The following MCF2L variants were observed in gnomAD, a reference collection of about 807,000 sequenced individuals.
MCF2L encodes the protein MCF.2 cell line derived transforming sequence like.
MCF2L carries 97 observed loss-of-function variants against 153.4 expected under a neutral mutation model. That is an observed-to-expected ratio of 0.63 (90% CI 0.54 to 0.75). The LOEUF (loss-of-function observed/expected upper bound fraction) is 0.75. MCF2L is among the 30% of genes least tolerant of loss of function. The pLI, the probability that MCF2L is intolerant of heterozygous loss-of-function variation, is 0.00. For synonymous variants in MCF2L, 659 were observed against 632.2 expected, an observed-to-expected ratio of 1.04 and a Z score of -0.64; for missense variants, 1,347 against 1,495.2, an observed-to-expected ratio of 0.90 and a Z score of 1.64.
chr13:113,065,149 G>C, intron 7 of MCF2L, 64 bp downstream of exon 7: 2 of 1,587,694 alleles, frequency 1.3e-6, no homozygotes, highest in East Asian at 2.3e-5. Context: ...GCTGCGCGGG[G>C]CTCCGGTCGG....
intron 26 of MCF2L, chr13:113,090,226 C>A: frequency 6.9e-7 from 1 of 1,441,340 alleles, no homozygotes; most frequent in Non-Finnish European, 9.3e-7. Flanking sequence ...TCGTGTGTGA[C>A]CATTCGTGCC....
intron 4 of MCF2L, 86 bp from the exon 5 acceptor site, chr13:113,060,507 G>T: frequency 6.5e-7 from 1 of 1,538,984 alleles, no homozygotes; most frequent in Non-Finnish European, 8.8e-7. Flanking sequence ...CGCGCCCCCG[G>T]TCAGCCCAGC....
At chr13:113,094,302 A>T (rs561827765) in intron 26 of MCF2L, 1 of 348,736 alleles carries the variant, frequency 2.9e-6, no homozygotes, top group South Asian at 8.5e-5. Flanking sequence ...TTGGAAGCAG[A>T]TGGTCTCAAA....
intron 2 of MCF2L, among the ~76,000 whole-genome samples, chr13:113,023,289 T>C (rs900530263): frequency 5.3e-5 from 8 of 152,166 alleles, no homozygotes; most frequent in African/African-American, 1.9e-4. Flanking sequence ...TATCAGATAA[T>C]GAGTCATGTC....
intron 1 of MCF2L, among the ~76,000 whole-genome samples, chr13:112,899,450 C>G (rs1408859770): frequency 2.0e-5 from 3 of 152,200 alleles, no homozygotes; most frequent in Non-Finnish European, 2.9e-5. Flanking sequence ...CTGGCTTCAT[C>G]ATCCATCCTC....
At chr13:112,898,445 G>A (rs886731239) in intron 1 of MCF2L, among the ~76,000 whole-genome samples, 2 of 152,178 alleles carry the variant, frequency 1.3e-5, no homozygotes, top group Non-Finnish European at 2.9e-5. Context: ...CGTGAACCGA[G>A]CTCGGCAGGT....
In MCF2L at chr13:112,969,779, A is replaced by T. The variant is rs1420571602; in HGVS notation, c.79+321A>T. ...CCGCAGCCCTCGCAATGGAGAATGC[A>T]TTGCGAATGGAGAATGATCTGAGCC... On this transcript the variant is annotated intron_variant, in intron 1 of 29. Transcript: ENST00000535094. The surrounding 1 kb of genome is among the most constrained non-coding windows in gnomAD (Gnocchi z 4.8). Among the ~76,000 whole-genome samples the T allele has an allele frequency of 6.6e-6, 1 of 152,132 alleles. No homozygotes were observed. The highest frequency in any genetic ancestry group is 2.4e-5 in the African/African-American group (1 of 41,416).
At chr13:112,959,106 C>G (rs534561345) in intron 2 of MCF2L, among the ~76,000 whole-genome samples, 1 of 152,336 alleles carries the variant, frequency 6.6e-6, no homozygotes, top group East Asian at 1.9e-4. Flanking sequence ...AGGTTTTTAT[C>G]TGAAAAGTTC....
chr13:113,072,342 A>C (rs957752218), intron 9 of MCF2L, among the ~76,000 whole-genome samples: 1 of 151,922 alleles, frequency 6.6e-6, no homozygotes, highest in Non-Finnish European at 1.5e-5. Context: ...CACCCACAAC[A>C]CCCTGCCCCA....
chr13:112,952,083 C>T (rs1425861153), intron 2 of MCF2L, among the ~76,000 whole-genome samples: 3 of 152,190 alleles, frequency 2.0e-5, no homozygotes, highest in African/African-American at 7.2e-5. Flanking sequence ...AAATAGATGT[C>T]AAAGTAGGTT....
intron 26 of MCF2L, chr13:113,093,870 G>A (rs1161510584): frequency 6.6e-6 from 1 of 152,440 alleles, no homozygotes; most frequent in African/African-American, 2.4e-5. Flanking sequence ...CACTGGGTTG[G>A]GGAGGGGGGC....
intron 2 of MCF2L, among the ~76,000 whole-genome samples, chr13:112,925,458 G>A (rs955185335): frequency 6.6e-6 from 1 of 152,164 alleles, no homozygotes; most frequent in African/African-American, 2.4e-5. Flanking sequence ...GGAGCCCCAC[G>A]CTGGACACCC....
Position 113,081,453 on chromosome 13 carries a change from A to G in MCF2L, c.1875+174A>G, listed in dbSNP as rs1241722058. On this transcript the variant is annotated intron_variant, in intron 16 of 29. Coordinates refer to ENST00000535094, the MANE Select transcript of MCF2L (RefSeq NM_001112732.3). ...ACGGGGAGCCCCTGGGGGCCTATCA[A>G]CAAGACACAGACCAGGCAGCTCAGG... 3.3e-5 allele frequency among the ~76,000 whole-genome samples: 5 copies of G among 152,258 alleles called. 1 individual carries two copies. Among genetic ancestry groups the G allele is most frequent in the African/African-American group, 1.2e-4 (5 of 41,474 alleles).
chr13:112,952,309 C>T (rs2081702900), intron 2 of MCF2L, among the ~76,000 whole-genome samples: 1 of 152,192 alleles, frequency 6.6e-6, no homozygotes, highest in Non-Finnish European at 1.5e-5. Context: ...GCTCAGAGAC[C>T]TTGCAGCCCC....
upstream of MCF2L, chr13:112,968,831 G>C: frequency 7.9e-7 from 1 of 1,262,876 alleles, no homozygotes; most frequent in Non-Finnish European, 1.0e-6. Context: ...GAACCGGGGG[G>C]AAGGGCGGGG....
chr13:113,077,604 G>C (rs1484693601), intron 13 of MCF2L, among the ~76,000 whole-genome samples: 2 of 152,162 alleles, frequency 1.3e-5, no homozygotes, highest in African/African-American at 4.8e-5. Context: ...TCCTTTCCCG[G>C]TGCTATTGCC....
chr13:112,910,784 A>G (rs1054382407), intron 2 of MCF2L, among the ~76,000 whole-genome samples: 1 of 152,106 alleles, frequency 6.6e-6, no homozygotes, highest in Admixed American at 6.5e-5. Context: ...GCTAGTGGAG[A>G]GCTCTTCTCG....
chr13:112,988,018 A>G (rs1262256379), intron 1 of MCF2L, among the ~76,000 whole-genome samples: 1 of 152,234 alleles, frequency 6.6e-6, no homozygotes, highest in East Asian at 1.9e-4. Flanking sequence ...CTCTGAATAA[A>G]CAGTGTGTTT....
At chr13:112,981,892 G>C (rs888062060) in intron 1 of MCF2L, among the ~76,000 whole-genome samples, 3 of 152,222 alleles carry the variant, frequency 2.0e-5, no homozygotes, top group Admixed American at 1.3e-4. Flanking sequence ...TCGGCACCCC[G>C]CAGGTTTTCT....
Sources: gnomAD v4.1 joint callset for allele counts (sites outside exome capture counted in the v4.1 genomes callset) on GRCh38, gnomAD v4.1.1 for gene constraint, Gnocchi (gnomAD v3.1) non-coding constraint, MANE v1.5 for transcripts, NCBI Gene and HGNC (gene_info 2026-07-23, HGNC 2026-07-21) for gene names.